Variants in NMNAT2 observed in about 807,000 individuals in gnomAD.
NMNAT2 encodes the protein nicotinamide/nicotinic acid mononucleotide adenylyltransferase 2.
A neutral mutation model predicts 41.6 loss-of-function variants in NMNAT2; 11 were observed. The observed-to-expected ratio is 0.26, with a 90% confidence interval of 0.17 to 0.44. The LOEUF is 0.44. NMNAT2 is among the 20% of genes least tolerant of loss of function. The probability of loss-of-function intolerance (pLI) is 1.00; values close to 1 mark genes in which losing one functional copy is unlikely to be tolerated. For missense variants in NMNAT2, 288 were observed against 407.7 expected (o/e 0.71, Z 2.53); for synonymous variants, 148 against 151.2 (o/e 0.98, Z 0.16).
intron 8 of NMNAT2, among the ~76,000 whole-genome samples, chr1:183,276,617 C>T (rs1283806553): frequency 1.3e-5 from 2 of 152,226 alleles, no homozygotes; most frequent in Admixed American, 6.5e-5. Flanking sequence ...AGGGATTCCT[C>T]CTCCACAGCA....
At chr1:183,399,027 C>G (rs1648733456) in intron 1 of NMNAT2, among the ~76,000 whole-genome samples, 1 of 152,108 alleles carries the variant, frequency 6.6e-6, no homozygotes, top group Non-Finnish European at 1.5e-5. Flanking sequence ...CAAACACACT[C>G]AAAAGCTAGC....
At chr1:183,296,106 T>A (rs1469433599) in intron 1 of NMNAT2, among the ~76,000 whole-genome samples, 1 of 152,180 alleles carries the variant, frequency 6.6e-6, no homozygotes, top group East Asian at 1.9e-4. Flanking sequence ...TGCCACGGCC[T>A]CCCAAAGTGC....
At chr1:183,400,264 C>A (rs1209608287) in intron 1 of NMNAT2, among the ~76,000 whole-genome samples, 1 of 152,010 alleles carries the variant, frequency 6.6e-6, no homozygotes, top group Non-Finnish European at 1.5e-5. Flanking sequence ...TCATATACAC[C>A]AATAATAGAC....
intron 1 of NMNAT2, among the ~76,000 whole-genome samples, chr1:183,350,919 A>G (rs1326271632): frequency 2.6e-5 from 4 of 152,186 alleles, no homozygotes; most frequent in Admixed American, 2.6e-4. Context: ...ACTGAGTTCA[A>G]CATGTATTTG....
At chr1:183,278,855 A>C (rs1364432974) in intron 7 of NMNAT2, among the ~76,000 whole-genome samples, 1 of 152,090 alleles carries the variant, frequency 6.6e-6, no homozygotes, top group Non-Finnish European at 1.5e-5. Flanking sequence ...GGGAGGAATT[A>C]CTCATGCAAG....
At chr1:183,284,062 A>G (rs530827430) in intron 6 of NMNAT2, 23 bp from the exon 7 acceptor site, 1 of 1,555,260 alleles carries the variant, frequency 6.4e-7, no homozygotes. Flanking sequence ...GAAGGAAGGT[A>G]GGGCATTAGG....
intron 1 of NMNAT2, among the ~76,000 whole-genome samples, chr1:183,404,810 C>T (rs924095361): frequency 2.6e-5 from 4 of 152,180 alleles, no homozygotes; most frequent in African/African-American, 2.4e-5. Flanking sequence ...AGACATCTTC[C>T]CATACCAACC....
In NMNAT2 at chr1:183,363,703, T is replaced by C. The variant is rs188030490; in HGVS notation, c.85+54480A>G. Among the ~76,000 whole-genome samples the C allele has an allele frequency of 2.2e-3, 335 of 152,234 alleles. 7 individuals are homozygous for C. The highest frequency in any genetic ancestry group is 2.6e-4 in the Non-Finnish European group (18 of 68,012). On this transcript the variant is annotated intron_variant, in intron 1 of 10. Coordinates refer to ENST00000287713, the MANE Select transcript of NMNAT2 (RefSeq NM_015039.4). ...AGACAGTTATAAAAGAGGAATTGAA[T>C]TGTAACCCCTTATTCCAGCACCAGT...
intron 5 of NMNAT2, 58 bp downstream of exon 5, chr1:183,286,604 T>TAA: frequency 6.8e-7 from 1 of 1,476,518 alleles, no homozygotes; most frequent in Non-Finnish European, 9.2e-7. Context: ...AGTCATTAAT[T>TAA]TAACAAGCCC....
intron 1 of NMNAT2, among the ~76,000 whole-genome samples, chr1:183,298,200 T>C (rs1442572519): frequency 1.3e-5 from 2 of 151,872 alleles, no homozygotes; most frequent in Non-Finnish European, 2.9e-5. Flanking sequence ...GTGCACACCA[T>C]AAGGCAAGAA....
At chr1:183,357,061 G>A (rs1663207983) in intron 1 of NMNAT2, among the ~76,000 whole-genome samples, 1 of 152,036 alleles carries the variant, frequency 6.6e-6, no homozygotes, top group Non-Finnish European at 1.5e-5. Flanking sequence ...GTCTCAAAAA[G>A]TTCATAATGT....
At chr1:183,373,753 G>A (rs1406835039) in intron 1 of NMNAT2, among the ~76,000 whole-genome samples, 2 of 151,930 alleles carry the variant, frequency 1.3e-5, no homozygotes, top group African/African-American at 4.8e-5. Flanking sequence ...AAGTAGCTGG[G>A]ACTACAGGCA....
chr1:183,370,504 G>C (rs1364574411), intron 1 of NMNAT2, among the ~76,000 whole-genome samples: 1 of 152,094 alleles, frequency 6.6e-6, no homozygotes, highest in Non-Finnish European at 1.5e-5. Context: ...CAATAATTGT[G>C]AACTCCTGTC....
At position 183,389,816 on chromosome 1, in the gene NMNAT2, GAAAGAAAGAAAGAAAGAAAGAAAGA is replaced by G. The variant is rs1557897710; in HGVS notation, c.85+28342_85+28366del. Among the ~76,000 whole-genome samples, 41 of 57,616 alleles carry G rather than the reference GAAAGAAAGAAAGAAAGAAAGAAAGA, an allele frequency of 7.1e-4. 4 individuals are homozygous for G. The highest frequency in any genetic ancestry group is 3.5e-3 in the East Asian group (4 of 1,142). 37.8% of individuals were successfully genotyped at this position (57,616 alleles called of 152,430 possible). A position where few individuals can be genotyped will look rare whatever the true frequency, so the allele number is the denominator to read the frequency against. On this transcript the variant is annotated intron_variant, in intron 1 of 10. Coordinates refer to ENST00000287713, the MANE Select transcript of NMNAT2 (RefSeq NM_015039.4). ...AGAAAGAAAGAAAGAAAGAAAGAAAGAAAGAAAGAAAGAAAGAAAGAAAGAAAGGAAAAAAGAGAAAGAAAGAAAG... is the reference window on the plus strand; with the variant it reads ...AGAAAGAAAGAAAGAAAGAAAGAAAGAAGGAAAAAAGAGAAAGAAAGAAAG...
chr1:183,369,031 G>A (rs1663472493), intron 1 of NMNAT2, among the ~76,000 whole-genome samples: 1 of 152,142 alleles, frequency 6.6e-6, no homozygotes, highest in African/African-American at 2.4e-5. Context: ...TCCTGGCTGT[G>A]AGACCCCTTC....
At chr1:183,417,104 C>G (rs1649276418) in intron 1 of NMNAT2, among the ~76,000 whole-genome samples, 1 of 152,192 alleles carries the variant, frequency 6.6e-6, no homozygotes. Context: ...GTGACCTCCG[C>G]GTCCCTCTTT....
chr1:183,413,104 A>C (rs1649162293), intron 1 of NMNAT2, among the ~76,000 whole-genome samples: 1 of 152,206 alleles, frequency 6.6e-6, no homozygotes, highest in African/African-American at 2.4e-5. Flanking sequence ...GCTTAATGGC[A>C]GTATGGTTTA....
At chr1:183,304,681 A>T (rs777339227) in intron 1 of NMNAT2, 4 of 1,614,074 alleles carry the variant, frequency 2.5e-6, no homozygotes, top group Non-Finnish European at 3.4e-6. Flanking sequence ...TGAGAGAGTA[A>T]CAAACACTTC....
intron 1 of NMNAT2, among the ~76,000 whole-genome samples, chr1:183,359,002 C>A (rs1663252606): frequency 6.6e-6 from 1 of 151,926 alleles, no homozygotes; most frequent in African/African-American, 2.4e-5. Context: ...AACAGCTGGA[C>A]AGATATAGTG....
Sources: allele counts gnomAD v4.1 joint callset (sites outside exome capture counted in the v4.1 genomes callset), GRCh38; gene constraint gnomAD v4.1.1; transcripts MANE v1.5; gene names NCBI Gene and HGNC (gene_info 2026-07-23, HGNC 2026-07-21).